The following PCDHA2 variants were observed in gnomAD, a reference collection of about 807,000 sequenced individuals.
The protein encoded by PCDHA2 is protocadherin alpha 2.
PCDHA2 carries 58 observed loss-of-function variants against 66.0 expected under a neutral mutation model. The ratio of observed to expected loss-of-function variants is 0.88; its 90% CI spans 0.71 to 1.09. The LOEUF is 1.09. Among genes scored for constraint, PCDHA2 ranks in the 50% least tolerant of loss-of-function variants. PCDHA2 has a pLI of 0.00. For missense variants in PCDHA2, 1,267 were observed against 1,242.3 expected, an observed-to-expected ratio of 1.02 and a Z score of -0.30; for synonymous variants, 634 against 554.0, an observed-to-expected ratio of 1.14 and a Z score of -2.03.
chr5:140,885,206 A>T (rs1304868227), intron 1 of PCDHA2, among the ~76,000 whole-genome samples: 1 of 152,038 alleles, frequency 6.6e-6, no homozygotes, highest in Admixed American at 6.6e-5. Context: ...CATATATCCC[A>T]TGAAAAATAT....
At chr5:141,007,980 A>G (rs533342900) in intron 3 of PCDHA2, among the ~76,000 whole-genome samples, 1 of 152,338 alleles carries the variant, frequency 6.6e-6, no homozygotes, top group East Asian at 1.9e-4. Context: ...TGTCATGTAT[A>G]TATGAAATGT....
intron 1 of PCDHA2, chr5:140,865,648 T>C (rs769799199): frequency 2.6e-5 from 4 of 152,194 alleles, no homozygotes; most frequent in Non-Finnish European, 4.4e-5. Flanking sequence ...AAATACATTA[T>C]TTCATTTAAT....
At chr5:140,804,803 A>G in intron 1 of PCDHA2, 1 of 301,786 alleles carries the variant, frequency 3.3e-6, no homozygotes, top group South Asian at 1.2e-4. Flanking sequence ...GGAGAGAAAT[A>G]GTAACCAACT....
chr5:140,808,990 G>T (rs2879087), intron 1 of PCDHA2: 49 of 1,613,634 alleles, frequency 3.0e-5, no homozygotes, highest in Non-Finnish European at 4.0e-5. Flanking sequence ...ATGCTGACTC[G>T]GGCTACAACG....
intron 1 of PCDHA2, chr5:140,824,237 T>C: frequency 6.6e-7 from 1 of 1,508,824 alleles, no homozygotes; most frequent in Non-Finnish European, 9.2e-7. Flanking sequence ...TACACAAATA[T>C]TGTGGTACAC....
chr5:140,836,129 G>A (rs2150253536), intron 1 of PCDHA2: 3 of 1,613,716 alleles, frequency 1.9e-6, no homozygotes, highest in Non-Finnish European at 2.5e-6. Flanking sequence ...AGCTTGTGCC[G>A]CGGTCTGTGG....
At chr5:140,803,296 T>A (rs1312324296) in intron 1 of PCDHA2, 15 of 1,614,112 alleles carry the variant, frequency 9.3e-6, no homozygotes, top group Non-Finnish European at 1.3e-5. Flanking sequence ...AACGTGTACT[T>A]GATCGTCGCC....
chr5:140,996,262 C>G (rs943119390), intron 3 of PCDHA2, among the ~76,000 whole-genome samples: 1 of 152,182 alleles, frequency 6.6e-6, no homozygotes. Flanking sequence ...CAACACAGAG[C>G]CTGGGATTGC....
rs782074950 is a variant in PCDHA2, at chr5:140,851,878, A to G, written c.2388+54526A>G. On this transcript the variant is annotated intron_variant, in intron 1 of 3. Transcript: ENST00000526136. ...AGCTCATACATAACACAAGGCAGAA[A>G]TCTGGATATGAGATTTGCCTCTTTA... is the stretch of plus-strand genomic sequence containing the variant. 6.1e-6 allele frequency: 6 copies of G among 977,806 alleles called. 1 individual carries two copies. The highest frequency in any genetic ancestry group is 7.4e-6 in the Non-Finnish European group (6 of 810,298). The allele number at this position is 977,806 out of a possible 1,614,324, so 60.6% of individuals were successfully genotyped here.
chr5:140,807,708 C>T, intron 1 of PCDHA2: 1 of 1,614,112 alleles, frequency 6.2e-7, no homozygotes, highest in Non-Finnish European at 8.5e-7. Flanking sequence ...AGACTGAGCC[C>T]AAATGAATAC....
chr5:140,877,101 G>A lies in PCDHA2; in HGVS notation c.2388+79749G>A, dbSNP rs375706181. ...TGAGCGCGCGCGACGCCGGCGTGCCGCCTCTGGGCAGCAACGTGACGCTGC... is the reference window on the plus strand; with the variant it reads ...TGAGCGCGCGCGACGCCGGCGTGCCACCTCTGGGCAGCAACGTGACGCTGC... On this transcript the variant is annotated intron_variant, in intron 1 of 3. Transcript: ENST00000526136. 3.3e-5 allele frequency: 53 copies of A among 1,613,354 alleles called. 1 individual carries two copies. The highest frequency in any genetic ancestry group is 4.1e-5 in the Non-Finnish European group (48 of 1,179,850).
Position 140,928,358 on chromosome 5 carries a change from CT to C in PCDHA2, c.2389-50590del, listed in dbSNP as rs782782118. 3.7e-6 allele frequency: 6 copies of C among 1,614,178 alleles called. No homozygotes were observed. In the Admixed American group the frequency reaches 1.0e-4, roughly 27 times the overall value. ...TCTTATGAGCTGTTGGATGTTATCT[CT>C]GAAGGGCCATCAGCCTCTAGCTTGC... On this transcript the variant is annotated intron_variant, in intron 1 of 3. Coordinates refer to ENST00000526136, the MANE Select transcript of PCDHA2 (RefSeq NM_018905.3).
intron 1 of PCDHA2, among the ~76,000 whole-genome samples, chr5:140,889,581 T>C (rs566040851): frequency 3.0e-4 from 45 of 152,324 alleles, no homozygotes; most frequent in Non-Finnish European, 4.3e-4. Flanking sequence ...ATTTTTGTTT[T>C]TGCTTTGAAA....
chr5:140,834,585 T>A, intron 1 of PCDHA2: 1 of 1,614,126 alleles, frequency 6.2e-7, no homozygotes, highest in Non-Finnish European at 8.5e-7. Flanking sequence ...CCGGGCGGTG[T>A]GCAAATTCCG....
intron 1 of PCDHA2, chr5:140,876,899 C>A (rs781884794): frequency 5.0e-6 from 8 of 1,613,974 alleles, no homozygotes; most frequent in Non-Finnish European, 6.8e-6. Context: ...CACATCTTCA[C>A]GGTGTCGGCA....
chr5:141,002,135 G>A (rs1265359430), intron 3 of PCDHA2, among the ~76,000 whole-genome samples: 1 of 152,236 alleles, frequency 6.6e-6, no homozygotes, highest in African/African-American at 2.4e-5. Flanking sequence ...AGCCTTTGCC[G>A]GCTGCACTGA....
chr5:140,802,890 C>G (rs934549073), intron 1 of PCDHA2: 2 of 1,613,662 alleles, frequency 1.2e-6, no homozygotes, highest in African/African-American at 1.3e-5. Flanking sequence ...CGCGCCGGCA[C>G]TGCTGATGCC....
At chr5:140,979,211 A>G (rs1241898337) in intron 2 of PCDHA2, among the ~76,000 whole-genome samples, 18 of 152,222 alleles carry the variant, frequency 1.2e-4, no homozygotes, top group Admixed American at 7.9e-4. Context: ...GTGCTGGCAT[A>G]TAAGAGTCCT....
At chr5:140,871,783 G>C (rs1460496699) in intron 1 of PCDHA2, among the ~76,000 whole-genome samples, 3 of 152,196 alleles carry the variant, frequency 2.0e-5, no homozygotes, top group African/African-American at 7.2e-5. Flanking sequence ...GTAGTCACTT[G>C]AGTAGAAATA....
Sources: allele counts gnomAD v4.1 joint callset (sites outside exome capture counted in the v4.1 genomes callset), GRCh38; gene constraint gnomAD v4.1.1; transcripts MANE v1.5; gene names NCBI Gene and HGNC (gene_info 2026-07-23, HGNC 2026-07-21).